SNAP91: variants seen among roughly 807,000 people sequenced by gnomAD.
The protein encoded by SNAP91 is synaptosome associated protein 91, also known as clathrin coat assembly protein AP180.
A neutral mutation model predicts 100.3 loss-of-function variants in SNAP91; 27 were observed. The observed-to-expected ratio is 0.27, with a 90% confidence interval of 0.20 to 0.37. The LOEUF is 0.37. Ranked by LOEUF, SNAP91 falls within the 10% of genes least tolerant of loss-of-function variation. SNAP91 has a pLI of 1.00. For missense variants in SNAP91, 986 were observed against 1,123.7 expected, an observed-to-expected ratio of 0.88 and a Z score of 1.75; for synonymous variants, 404 against 398.6, an observed-to-expected ratio of 1.01 and a Z score of -0.16.
chr6:83,624,165 G>A (rs1269428057), intron 8 of SNAP91, among the ~76,000 whole-genome samples: 6 of 152,044 alleles, frequency 3.9e-5, no homozygotes, highest in Admixed American at 6.6e-5. Context: ...TTAGCATGGG[G>A]ATAGGGGCAG....
chr6:83,588,575 G>A (rs2093213801), intron 22 of SNAP91, among the ~76,000 whole-genome samples: 1 of 152,138 alleles, frequency 6.6e-6, no homozygotes, highest in Non-Finnish European at 1.5e-5. Context: ...GTGCAGCTGT[G>A]GCACAGGTAT....
intron 13 of SNAP91, among the ~76,000 whole-genome samples, chr6:83,607,405 G>T (rs1471132572): frequency 6.6e-6 from 1 of 150,558 alleles, no homozygotes; most frequent in East Asian, 2.0e-4. Flanking sequence ...TCTCCCACAA[G>T]AAGAAACTAA....
At chr6:83,574,897 A>T in intron 26 of SNAP91, 113 bp downstream of exon 26, 1 of 646,006 alleles carries the variant, frequency 1.5e-6, no homozygotes, top group Non-Finnish European at 2.7e-6. Flanking sequence ...TATTTCTTCA[A>T]TGCAGAGGAA....
intron 28 of SNAP91, among the ~76,000 whole-genome samples, chr6:83,557,826 T>TCATG (rs1781081475): frequency 6.6e-6 from 1 of 152,020 alleles, no homozygotes; most frequent in Non-Finnish European, 1.5e-5. Context: ...GATGACAATA[T>TCATG]CATGATACCA....
intron 2 of SNAP91, among the ~76,000 whole-genome samples, chr6:83,685,704 C>A (rs1446161102): frequency 6.6e-6 from 1 of 152,096 alleles, no homozygotes; most frequent in Non-Finnish European, 1.5e-5. Context: ...CTAAGACAGT[C>A]TATCAAGTAG....
At chr6:83,629,987 T>C (rs1034197355) in intron 8 of SNAP91, among the ~76,000 whole-genome samples, 2 of 152,132 alleles carry the variant, frequency 1.3e-5, no homozygotes, top group Admixed American at 6.6e-5. Flanking sequence ...GGTTGTGGGT[T>C]TGTCATAGAT....
At chr6:83,656,715 A>T (rs2098414722) in intron 7 of SNAP91, 39 bp downstream of exon 7, 3 of 898,092 alleles carry the variant, frequency 3.3e-6, no homozygotes, top group African/African-American at 1.7e-5. Flanking sequence ...CTTACTGTGT[A>T]TCCCATCAGC....
intron 7 of SNAP91, among the ~76,000 whole-genome samples, chr6:83,643,931 T>C (rs1331183069): frequency 6.6e-6 from 1 of 152,200 alleles, no homozygotes; most frequent in Non-Finnish European, 1.5e-5. Context: ...TGTCCTGTTT[T>C]CTAATGCAAT....
intron 23 of SNAP91, 120 bp downstream of exon 23, chr6:83,582,102 A>C: frequency 8.7e-7 from 1 of 1,143,758 alleles, no homozygotes; most frequent in African/African-American, 1.5e-5. Flanking sequence ...ACGTTTTATA[A>C]ACCAAATTAT....
chr6:83,683,634 C>T (rs192181117), intron 2 of SNAP91, among the ~76,000 whole-genome samples: 1 of 152,296 alleles, frequency 6.6e-6, no homozygotes, highest in African/African-American at 2.4e-5. Context: ...GTCAAATAAA[C>T]TTCTTTTCTT....
chr6:83,553,732 A>T lies in SNAP91; in HGVS notation c.*564T>A, dbSNP rs1389376746. The T allele has an allele frequency of 1.3e-5, 2 of 152,192 alleles. No individual in the cohort carries two copies. Among genetic ancestry groups the T allele is most frequent in the African/African-American group, 2.4e-5 (1 of 41,458 alleles). The allele number at this position is 152,192 out of a possible 1,614,324, so 9.4% of individuals were successfully genotyped here. On this transcript the variant is annotated 3_prime_UTR_variant, in exon 30 of 30. Coordinates refer to ENST00000369694, the MANE Select transcript of SNAP91 (RefSeq NM_001242792.2). ...TAAAATAAAATTTCTTAACATATAC[A>T]GTGCCACAAAAATAAACATTTCTCA... is the stretch of plus-strand genomic sequence containing the variant.
intron 23 of SNAP91, 47 bp downstream of exon 23, chr6:83,582,175 T>A: frequency 6.3e-7 from 1 of 1,597,202 alleles, no homozygotes; most frequent in South Asian, 1.1e-5. Context: ...GTACTTTTTT[T>A]TATTACCAGG....
chr6:83,670,558 G>GT (rs1250175616), intron 2 of SNAP91, among the ~76,000 whole-genome samples: 5 of 151,644 alleles, frequency 3.3e-5, no homozygotes, highest in African/African-American at 1.2e-4. Context: ...ATTTATGGAG[G>GT]TTTTCTTTTA....
In SNAP91 at chr6:83,693,998, G is replaced by A. The variant is rs78902634; in HGVS notation, c.130+13800C>T. 9.4e-3 allele frequency among the ~76,000 whole-genome samples: 1,431 copies of A among 152,350 alleles called. 26 individuals carry two copies. The highest frequency in any genetic ancestry group is 0.032 in the African/African-American group (1,337 of 41,576). On this transcript the variant is annotated intron_variant, in intron 2 of 29. Transcript: ENST00000369694. Reference sequence around the variant, plus strand: ...TTTGAGGCAAAATCAAAGCTTTGCAGAAAAGAGTGCCAGGATTAATCTGCA... The same window carrying A: ...TTTGAGGCAAAATCAAAGCTTTGCAAAAAAGAGTGCCAGGATTAATCTGCA...
intron 2 of SNAP91, 32 bp from the exon 3 acceptor site, chr6:83,665,613 T>A (rs769748219): frequency 1.9e-6 from 3 of 1,588,832 alleles, no homozygotes; most frequent in Non-Finnish European, 2.6e-6. Context: ...ATCAATGATA[T>A]TAACAATTAC....
At chr6:83,608,804 T>C (rs188771351) in intron 12 of SNAP91, among the ~76,000 whole-genome samples, 13 of 152,210 alleles carry the variant, frequency 8.5e-5, no homozygotes, top group Admixed American at 2.0e-4. Flanking sequence ...TCAATAGTTA[T>C]GCAAGTGCCA....
intron 2 of SNAP91, among the ~76,000 whole-genome samples, chr6:83,687,348 T>G (rs1046211751): frequency 6.6e-6 from 1 of 152,208 alleles, no homozygotes; most frequent in Admixed American, 6.5e-5. Flanking sequence ...AATAATATCC[T>G]ACATGGGCCA....
intron 12 of SNAP91, 44 bp from the exon 13 acceptor site, chr6:83,607,852 T>G: frequency 8.1e-7 from 1 of 1,242,024 alleles, no homozygotes; most frequent in Non-Finnish European, 1.1e-6. Context: ...AATATGAATC[T>G]ACAGGACACA....
intron 8 of SNAP91, among the ~76,000 whole-genome samples, chr6:83,625,681 T>G (rs968231515): frequency 1.3e-5 from 2 of 152,178 alleles, no homozygotes; most frequent in Admixed American, 1.3e-4. Flanking sequence ...AAATGTCTTC[T>G]TTTGAGAAGT....
Sources: gnomAD v4.1 joint callset for allele counts (sites outside exome capture counted in the v4.1 genomes callset) on GRCh38, gnomAD v4.1.1 for gene constraint, MANE v1.5 for transcripts, NCBI Gene and HGNC (gene_info 2026-07-23, HGNC 2026-07-21) for gene names.